RPS4Y2: variants seen among roughly 807,000 people sequenced by gnomAD.
RPS4Y2 encodes the protein ribosomal protein S4 Y-linked 2.
Under a neutral mutation model 5.0 loss-of-function variants are expected in RPS4Y2, and 6 were observed. That is an observed-to-expected ratio of 1.20 (90% CI 0.66 to 2.37). RPS4Y2 has a LOEUF of 2.37. Ranked by LOEUF, RPS4Y2 falls within the 30% of genes most tolerant of loss-of-function variation. RPS4Y2 has a pLI of 0.00. For synonymous variants in RPS4Y2, 19 were observed against 19.9 expected (o/e 0.96, Z 0.12); for missense variants, 80 against 59.5 (o/e 1.34, Z -1.13).
Position 20,768,994 on chromosome Y carries a change from GT to G in RPS4Y2, c.532+28del, listed in dbSNP as rs752962850. ...TGACACAGGTAAGGTTTTTTTTGTT[GT>G]TTTTTTTTTCCCTTGTCTGTTGGCC... On this transcript the variant is annotated intron_variant, in intron 5 of 6. Transcript: ENST00000629237. The G allele has an allele frequency of 1.0e-5, 3 of 294,792 alleles. No homozygotes were observed. Among genetic ancestry groups the G allele is most frequent in the Non-Finnish European group, 1.5e-5 (3 of 205,807 alleles). The allele number at this position is 294,792 out of a possible 400,897, so 73.5% of individuals were successfully genotyped here. A position where few individuals can be genotyped will look rare whatever the true frequency, so the allele number is the denominator to read the frequency against.
chrY:20,759,871 C>A lies in RPS4Y2; in HGVS notation c.85C>A (p.Pro29Thr). 5.0e-6 allele frequency: 2 copies of A among 398,322 alleles called. No individual in the cohort carries two copies. The highest frequency in any genetic ancestry group is 1.8e-4 in the East Asian group (2 of 10,843). ...TGCCTGCCATTGTCTTCTACAGGCA[C>A]CTCGTCCATCGACAGGTCCTCACAA... is the stretch of plus-strand genomic sequence containing the variant. Reference protein sequence around the residue: ...MLDKLTGVFAPRPSTGPHKLR... With the variant: ...MLDKLTGVFATRPSTGPHKLR... Residue 29 changes from proline (P) to threonine (T), a missense_variant, in exon 3 of 7, where the codon CCT (proline) becomes ACT (threonine). Transcript: ENST00000629237.
chrY:20,780,918 T>C lies in RPS4Y2; in HGVS notation c.691-13T>C, dbSNP rs764804311. On this transcript the variant is annotated splice_polypyrimidine_tract_variant and intron_variant, in intron 6 of 6. Transcript: ENST00000629237. ...TTTTTTATGTACTTATTTTATCTCCTTCTCAATTACAGGGTAATAAACCTT... is the reference window on the plus strand; with the variant it reads ...TTTTTTATGTACTTATTTTATCTCCCTCTCAATTACAGGGTAATAAACCTT... 4 of 333,475 alleles carry C rather than the reference T, an allele frequency of 1.2e-5. No individual in the cohort carries two copies. The Admixed American group carries it at 2.3e-4, about 19-fold the overall frequency. The allele number at this position is 333,475 out of a possible 400,897, so 83.2% of individuals were successfully genotyped here.
intron 2 of RPS4Y2, 126 bp downstream of exon 2, chrY:20,756,981 G>C: frequency 5.6e-6 from 1 of 178,454 alleles, no homozygotes; most frequent in Non-Finnish European, 1.0e-5. Flanking sequence ...GCTGCACACG[G>C]AACTTGTCCT....
chrY:20,768,725 G>T, intron 4 of RPS4Y2, 80 bp from the exon 5 acceptor site: 1 of 234,793 alleles, frequency 4.3e-6, no homozygotes, highest in Non-Finnish European at 7.3e-6. Context: ...TTGAAAATTG[G>T]TGGGATTAAT....
In RPS4Y2 at chrY:20,780,955, C is replaced by T; in HGVS notation, c.715C>T (p.Pro239Ser). 1 of 392,086 alleles carries T rather than the reference C, an allele frequency of 2.6e-6. No homozygotes were observed. Among genetic ancestry groups the T allele is most frequent in the Non-Finnish European group, 3.6e-6 (1 of 277,996 alleles). ...GGGTAATAAACCTTGGATTTCCCTG[C>T]CCAGGGGAAAGGGCATCCGACTTAC... The part of the protein sequence containing the change: ...GNGNKPWISL[P>S]RGKGIRLTIA... Residue 239 changes from proline to serine, a missense_variant, in exon 7 of 7, where the codon CCC becomes TCC. Coordinates refer to ENST00000629237, the MANE Select transcript of RPS4Y2 (RefSeq NM_001039567.3).
chrY:20,756,206 C>A (rs768543396), intron 1 of RPS4Y2, 40 bp downstream of exon 1: 1 of 384,499 alleles, frequency 2.6e-6, no homozygotes, highest in Non-Finnish European at 3.7e-6. Context: ...TATCTGCCTC[C>A]ATCCTTTGAA....
chrY:20,761,134 G>T, intron 3 of RPS4Y2, 150 bp from the exon 4 acceptor site: 1 of 150,328 alleles, frequency 6.7e-6, no homozygotes, highest in East Asian at 1.2e-4. Context: ...CAGGACCGGG[G>T]TTGGTTGGTT....
intron 3 of RPS4Y2, 31 bp from the exon 4 acceptor site, chrY:20,761,253 A>G: frequency 3.2e-6 from 1 of 311,823 alleles, no homozygotes; most frequent in Non-Finnish European, 4.9e-6. Flanking sequence ...AAACTGCATT[A>G]ATAATGTTCC....
intron 2 of RPS4Y2, 125 bp downstream of exon 2, chrY:20,756,980 G>A: frequency 5.6e-6 from 1 of 178,943 alleles, no homozygotes; most frequent in South Asian, 4.6e-5. Context: ...TGCTGCACAC[G>A]GAACTTGTCC....
Position 20,756,764 on chromosome Y carries a change from G to A in RPS4Y2, c.4-14G>A. Reference sequence around the variant, plus strand: ...GAGACGAGTTTCTCTGAAAAAGTTTGGTGTCTTTTTCAGGCCCGGGGCCCC... The same window carrying A: ...GAGACGAGTTTCTCTGAAAAAGTTTAGTGTCTTTTTCAGGCCCGGGGCCCC... On this transcript the variant is annotated splice_polypyrimidine_tract_variant and intron_variant, in intron 1 of 6. Transcript: ENST00000629237. The A allele has an allele frequency of 2.6e-6, 1 of 391,951 alleles. No homozygotes were observed. The highest frequency in any genetic ancestry group is 3.6e-6 in the Non-Finnish European group (1 of 277,185).
Position 20,761,359 on chromosome Y carries a change from G to C in RPS4Y2, c.338G>C (p.Arg113Pro). ...YNTKGCFAVH[R>P]ITVEEAKYKL... ...ACCAAGGGCTGTTTTGCTGTTCATC[G>C]TATCACAGTGGAAGAGGCAAAGGTA... Residue 113 changes from arginine to proline, a missense_variant, in exon 4 of 7, where the codon CGT (arginine) becomes CCT (proline). By Grantham distance (103) the Arg-to-Pro change is moderately radical (BLOSUM62 -2). Coordinates refer to ENST00000629237, the MANE Select transcript of RPS4Y2 (RefSeq NM_001039567.3). 1 of 387,739 alleles carries C rather than the reference G, an allele frequency of 2.6e-6. No homozygotes were observed. Among genetic ancestry groups the C allele is most frequent in the African/African-American group, 6.2e-5 (1 of 16,155 alleles).
At chrY:20,780,810 A>G in intron 6 of RPS4Y2, 121 bp from the exon 7 acceptor site, 1 of 158,975 alleles carries the variant, frequency 6.3e-6, no homozygotes, top group Non-Finnish European at 1.2e-5. Flanking sequence ...AAAGGAAGGT[A>G]CAAGGCATGT....
intron 3 of RPS4Y2, 70 bp downstream of exon 3, chrY:20,760,118 T>G: frequency 3.8e-6 from 1 of 264,430 alleles, no homozygotes; most frequent in Admixed American, 8.2e-5. Context: ...GGCTTACATG[T>G]TGCCAACGAT....
At chrY:20,760,163 T>G in intron 3 of RPS4Y2, 115 bp downstream of exon 3, 1 of 194,352 alleles carries the variant, frequency 5.1e-6, no homozygotes, top group Non-Finnish European at 9.2e-6. Context: ...GATTTCTACA[T>G]GAGTTACTGC....
intron 6 of RPS4Y2, 32 bp downstream of exon 6, chrY:20,779,698 A>G: frequency 5.6e-6 from 2 of 359,126 alleles, no homozygotes; most frequent in Non-Finnish European, 8.1e-6. Flanking sequence ...CTACTTTCTA[A>G]GAAGACTCAC....
At position 20,779,498 on chromosome Y, in the gene RPS4Y2, T is replaced by C; in HGVS notation, c.533-11T>C. Reference sequence around the variant, plus strand: ...ATGACTCCTCTCCTGTTTATTTTCCTTTCCCTCTAGGCAATGTATGTATGG... The same window carrying C: ...ATGACTCCTCTCCTGTTTATTTTCCCTTCCCTCTAGGCAATGTATGTATGG... On this transcript the variant is annotated splice_polypyrimidine_tract_variant and intron_variant, in intron 5 of 6. Coordinates refer to ENST00000629237, the MANE Select transcript of RPS4Y2 (RefSeq NM_001039567.3). 2.6e-6 allele frequency: 1 copy of C among 384,672 alleles called. No individual in the cohort carries two copies. Among genetic ancestry groups the C allele is most frequent in the Non-Finnish European group, 3.6e-6 (1 of 274,559 alleles).
intron 1 of RPS4Y2, 32 bp from the exon 2 acceptor site, chrY:20,756,746 G>A (rs969401176): frequency 1.3e-5 from 5 of 372,111 alleles, no homozygotes; most frequent in Non-Finnish European, 1.9e-5. Context: ...ACTGAGACGA[G>A]TTTCTCTGAA....
In RPS4Y2 at chrY:20,759,977, T is replaced by C. The variant is rs776714198; in HGVS notation, c.191T>C (p.Ile64Thr). ...TTGACTGGAGATGAGGTAAAGAAGA[T>C]ATGTATGCAACACTTCCTCAAAATT... ...YALTGDEVKK[I>T]CMQHFLKIDG... The change falls in exon 3 of 7, where the codon ATA becomes ACA. Residue 64 changes from isoleucine (I) to threonine (T), a missense_variant. Physicochemically the swap from Ile to Thr is moderately conservative, Grantham distance 89. Coordinates refer to ENST00000629237, the MANE Select transcript of RPS4Y2 (RefSeq NM_001039567.3). 3 of 397,787 alleles carry C rather than the reference T, an allele frequency of 7.5e-6. No individual in the cohort carries two copies. The highest frequency in any genetic ancestry group is 1.5e-4 in the Admixed American group (2 of 13,545).
At position 20,780,864 on chromosome Y, in the gene RPS4Y2, C is replaced by G. The variant is rs773959390; in HGVS notation, c.691-67C>G. The G allele has an allele frequency of 6.5e-5, 14 of 216,825 alleles. No individual in the cohort carries two copies. The African/African-American group carries it at 1.1e-3, about 17-fold the overall frequency. The allele number at this position is 216,825 out of a possible 400,897, so 54.1% of individuals were successfully genotyped here. On this transcript the variant is annotated intron_variant, in intron 6 of 6. Coordinates refer to ENST00000629237, the MANE Select transcript of RPS4Y2 (RefSeq NM_001039567.3). The stretch of plus-strand genomic sequence containing the variant: ...GTTTTTTTCCTGTCTTTCCCTCCAG[C>G]TTTCTTTCGTCTCCTCCCTTTTCAT...
Sources: gnomAD v4.1 joint callset for allele counts on GRCh38, gnomAD v4.1.1 for gene constraint, MANE v1.5 for transcripts, NCBI Gene and HGNC (gene_info 2026-07-23, HGNC 2026-07-21) for gene names.